MICAL2: variants seen among roughly 807,000 people sequenced by gnomAD.
The protein encoded by MICAL2 is [F-actin]-monooxygenase MICAL2.
MICAL2 carries 77 observed loss-of-function variants against 127.3 expected under a neutral mutation model. The ratio of observed to expected loss-of-function variants is 0.60; its 90% CI spans 0.50 to 0.73. MICAL2 has a LOEUF of 0.73. MICAL2 is among the 30% of genes least tolerant of loss of function. The pLI is 0.00. For missense variants in MICAL2, 1,351 were observed against 1,434.4 expected, an observed-to-expected ratio of 0.94 and a Z score of 0.94; for synonymous variants, 570 against 551.1, an observed-to-expected ratio of 1.03 and a Z score of -0.48.
downstream of MICAL2, among the ~76,000 whole-genome samples, chr11:12,268,343 GA>G (rs2134746912): frequency 1.3e-5 from 2 of 152,324 alleles, no homozygotes; most frequent in South Asian, 4.1e-4. Context: ...TCCTCTCAGG[GA>G]CAAGCTGAGG....
At chr11:12,138,542 G>A (rs1234394364) in intron 2 of MICAL2, 82 bp downstream of exon 2, 1 of 152,250 alleles carries the variant, frequency 6.6e-6, no homozygotes, top group Admixed American at 6.5e-5. Context: ...AGTGTGGGAT[G>A]TTCCCACCAT....
At chr11:12,329,663 A>G (rs2134856999) in intron 32 of MICAL2, among the ~76,000 whole-genome samples, 1 of 152,294 alleles carries the variant, frequency 6.6e-6, no homozygotes, top group South Asian at 2.1e-4. Context: ...AGAAGTGTTG[A>G]TAGGCAAAGT....
chr11:12,353,855 C>A (rs1037921194), intron 33 of MICAL2, among the ~76,000 whole-genome samples: 4 of 152,172 alleles, frequency 2.6e-5, no homozygotes, highest in African/African-American at 9.7e-5. Context: ...CACAAAATAT[C>A]TCACTTTTGT....
intron 21 of MICAL2, among the ~76,000 whole-genome samples, chr11:12,248,137 C>CCTT: frequency 6.6e-6 from 1 of 152,276 alleles, no homozygotes; most frequent in East Asian, 1.9e-4. Context: ...AGACAGGGAG[C>CCTT]CAGGGCTCTG....
chr11:12,190,416 G>T (rs958040582), intron 3 of MICAL2, among the ~76,000 whole-genome samples: 6 of 152,146 alleles, frequency 3.9e-5, no homozygotes, highest in African/African-American at 1.4e-4. Context: ...GGAAACTTGA[G>T]GATTTTCTGT....
intron 8 of MICAL2, among the ~76,000 whole-genome samples, chr11:12,216,880 C>A (rs80210441): frequency 0.085 from 12,938 of 152,190 alleles, 640 homozygotes; most frequent in Non-Finnish European, 0.098. Flanking sequence ...TGAAAGGGTT[C>A]TTGGAAGGAG....
intron 3 of MICAL2, among the ~76,000 whole-genome samples, chr11:12,166,964 A>C (rs1464533261): frequency 6.6e-6 from 1 of 152,096 alleles, no homozygotes; most frequent in Non-Finnish European, 1.5e-5. Flanking sequence ...GGTGCGGGGA[A>C]AGGGTGAAAG....
chr11:12,119,808 T>C (rs930493515), intron 1 of MICAL2, among the ~76,000 whole-genome samples: 1 of 152,140 alleles, frequency 6.6e-6, no homozygotes, highest in African/African-American at 2.4e-5. Flanking sequence ...TGGATGGGCC[T>C]CATGGGATGG....
At chr11:12,237,980 G>A (rs977416892) in intron 16 of MICAL2, among the ~76,000 whole-genome samples, 1 of 152,192 alleles carries the variant, frequency 6.6e-6, no homozygotes, top group East Asian at 1.9e-4. Flanking sequence ...CTGTGCTGTT[G>A]TGCACAGTTA....
At chr11:12,111,469 G>A (rs1275762792) in intron 1 of MICAL2, among the ~76,000 whole-genome samples, 1 of 152,236 alleles carries the variant, frequency 6.6e-6, no homozygotes, top group Non-Finnish European at 1.5e-5. Flanking sequence ...CGGGCCAGAC[G>A]GGGCAGGTGG....
At chr11:12,321,621 A>G (rs1466846862) in intron 30 of MICAL2, among the ~76,000 whole-genome samples, 2 of 149,066 alleles carry the variant, frequency 1.3e-5, no homozygotes, top group African/African-American at 5.0e-5. Flanking sequence ...CAGTGAGGAT[A>G]TAAGAACTGT....
rs544985461 is a variant in MICAL2, at chr11:12,310,955, C to A, written c.5213-8741C>A. 1.5e-3 allele frequency among the ~76,000 whole-genome samples: 230 copies of A among 151,822 alleles called. 2 individuals carry two copies. Among genetic ancestry groups the A allele is most frequent in the African/African-American group, 5.3e-3 (219 of 41,430 alleles). The stretch of plus-strand genomic sequence containing the variant: ...TAGCTATTATAAATGGGATTGCTTT[C>A]TTGATTTCTTTTTCAGAAAAGAATC... On this transcript the variant is annotated intron_variant, in intron 29 of 34. Coordinates refer to the MICAL2 transcript ENST00000646065.
At chr11:12,143,423 CATT>C (rs1852546951) in intron 2 of MICAL2, among the ~76,000 whole-genome samples, 1 of 152,178 alleles carries the variant, frequency 6.6e-6, no homozygotes, top group Non-Finnish European at 1.5e-5. Context: ...TTGAAAGAAA[CATT>C]AGCAGAGACC....
intron 32 of MICAL2, among the ~76,000 whole-genome samples, chr11:12,328,775 G>A (rs1837681917): frequency 6.6e-6 from 1 of 152,192 alleles, no homozygotes; most frequent in Non-Finnish European, 1.5e-5. Context: ...GAAACATTAG[G>A]ATTTCAATTC....
At chr11:12,354,937 G>C in intron 34 of MICAL2, 1 of 1,361,064 alleles carries the variant, frequency 7.3e-7, no homozygotes. Flanking sequence ...CCCAGAGTGG[G>C]GCGCTCTTCC....
intron 30 of MICAL2, among the ~76,000 whole-genome samples, chr11:12,322,645 G>A (rs1486729300): frequency 1.3e-5 from 2 of 152,102 alleles, no homozygotes; most frequent in African/African-American, 4.8e-5. Context: ...AAGTTGATGT[G>A]TATGCTCAGA....
chr11:12,241,720 C>G (rs1859992374), intron 18 of MICAL2, among the ~76,000 whole-genome samples: 1 of 152,176 alleles, frequency 6.6e-6, no homozygotes, highest in Non-Finnish European at 1.5e-5. Context: ...TGACCATAAG[C>G]CACAAAGTTG....
intron 1 of MICAL2, among the ~76,000 whole-genome samples, chr11:12,112,354 C>G (rs1450095485): frequency 6.6e-6 from 1 of 152,166 alleles, no homozygotes; most frequent in Non-Finnish European, 1.5e-5. Flanking sequence ...TTATCCTCCC[C>G]CTAGTCAAGA....
chr11:12,353,652 G>C (rs1939087902), intron 33 of MICAL2, among the ~76,000 whole-genome samples: 1 of 152,048 alleles, frequency 6.6e-6, no homozygotes, highest in Non-Finnish European at 1.5e-5. Context: ...GGCATCCCCT[G>C]GCATGGAAAA....
Sources: gnomAD v4.1 joint callset for allele counts (sites outside exome capture counted in the v4.1 genomes callset) on GRCh38, gnomAD v4.1.1 for gene constraint, MANE v1.5 for transcripts, NCBI Gene and HGNC (gene_info 2026-07-23, HGNC 2026-07-21) for gene names.